Variants in NPTN observed in about 807,000 individuals in gnomAD.
NPTN encodes the protein neuroplastin.
NPTN carries 5 observed loss-of-function variants against 42.7 expected under a neutral mutation model. The ratio of observed to expected loss-of-function variants is 0.12; its 90% CI spans 0.06 to 0.25. NPTN has a LOEUF of 0.25. NPTN is among the 10% of genes least tolerant of loss of function. The pLI is 1.00. For missense variants in NPTN, 307 were observed against 525.4 expected, an observed-to-expected ratio of 0.58 and a Z score of 4.06; for synonymous variants, 180 against 201.9, an observed-to-expected ratio of 0.89 and a Z score of 0.92.
intron 1 of NPTN, among the ~76,000 whole-genome samples, chr15:73,613,979 C>A (rs1897731475): frequency 6.6e-6 from 1 of 152,076 alleles, no homozygotes; most frequent in Non-Finnish European, 1.5e-5. Flanking sequence ...AGCCACCGTG[C>A]CTGGCCTGGA....
chr15:73,592,771 C>A (rs1436031573), intron 2 of NPTN, among the ~76,000 whole-genome samples: 1 of 152,194 alleles, frequency 6.6e-6, no homozygotes, highest in Non-Finnish European at 1.5e-5. Context: ...TCCAGCCATA[C>A]CTATTCCCAA....
rs747665771 is a variant in NPTN at position 73,573,781 on chromosome 15, T to A, written c.721A>T (p.Thr241Ser). The A allele has an allele frequency of 1.9e-6, 3 of 1,604,110 alleles. 1 individual carries two copies. In the South Asian group the frequency reaches 3.4e-5, roughly 18 times the overall value. ...TIEVKAAPDI[T>S]GHKRSENKNE... ...TTGTTCTCACTCCGTTTATGGCCAG[T>A]GATGTCAGGAGCGGCTGTGAGAAAG... Residue 241 changes from threonine to serine, a missense_variant, in exon 5 of 9, where the codon ACT becomes TCT. Physicochemically the swap from Thr to Ser is moderately conservative, Grantham distance 58. Around this residue, in one of 2 missense-constraint regions of NPTN, gnomAD observed 264 missense variants for 491.1 expected, o/e 0.54. Transcript: ENST00000345330.
intron 4 of NPTN, among the ~76,000 whole-genome samples, chr15:73,585,404 AACAT>A (rs764808948): frequency 5.6e-4 from 85 of 152,322 alleles, no homozygotes; most frequent in Non-Finnish European, 1.2e-3. Flanking sequence ...ATGTTTTGGG[AACAT>A]ACACACATGT....
chr15:73,575,760 T>C (rs1313287157), intron 4 of NPTN, among the ~76,000 whole-genome samples: 1 of 152,196 alleles, frequency 6.6e-6, no homozygotes, highest in Non-Finnish European at 1.5e-5. Flanking sequence ...CAGAATGTGC[T>C]TCCCAGGCAC....
In NPTN at chr15:73,633,201, C is replaced by T; in HGVS notation, c.15G>A (p.Ser5=). The T allele has an allele frequency of 3.9e-6, 6 of 1,528,208 alleles. No individual in the cohort carries two copies. The highest frequency in any genetic ancestry group is 1.7e-4 in the Middle Eastern group (1 of 5,772). 94.7% of individuals were successfully genotyped at this position (1,528,208 alleles called of 1,614,324 possible). A position where few individuals can be genotyped will look rare whatever the true frequency, so the allele number is the denominator to read the frequency against. Residue 5 remains serine (S), a synonymous_variant, in exon 1 of 9, where the codon TCG becomes TCA. Coordinates refer to ENST00000345330, the MANE Select transcript of NPTN (RefSeq NM_012428.4). ...GCGAGAGGGCCAGGGCGCTGGGCAG[C>T]GACGAACCCGACATCCTCCCTAGCA... is the stretch of plus-strand genomic sequence containing the variant. The part of the protein sequence containing the change: MSGS[S]LPSALALSLL...
chr15:73,589,171 G>C (rs1318475106), intron 3 of NPTN, among the ~76,000 whole-genome samples: 1 of 151,778 alleles, frequency 6.6e-6, no homozygotes, highest in Non-Finnish European at 1.5e-5. Context: ...ATCTCTACAA[G>C]AAATAAAAAA....
rs1437574812 is a variant in NPTN, at chr15:73,573,701, T to C, written c.801A>G (p.Pro267=). ...MYCKSVGYPH[P]DWIWRKKENG... ...TCTCCTTCTTGCGCCATATCCAGTCTGGGTGGGGGTAGCCAACTGACTTGC... is the reference window on the plus strand; with the variant it reads ...TCTCCTTCTTGCGCCATATCCAGTCCGGGTGGGGGTAGCCAACTGACTTGC... Residue 267 remains proline (P), a synonymous_variant, in exon 5 of 9, where the codon CCA becomes CCG. Coordinates refer to ENST00000345330, the MANE Select transcript of NPTN (RefSeq NM_012428.4). 1.3e-6 allele frequency: 2 copies of C among 1,593,028 alleles called. No individual in the cohort carries two copies. The highest frequency in any genetic ancestry group is 2.3e-5 in the East Asian group (1 of 42,976).
intron 4 of NPTN, among the ~76,000 whole-genome samples, chr15:73,584,473 A>C (rs1395350828): frequency 1.3e-5 from 2 of 152,084 alleles, no homozygotes; most frequent in African/African-American, 2.4e-5. Flanking sequence ...AGGGGTAGAA[A>C]ATTTCAACAT....
Position 73,573,699 on chromosome 15 carries a change from T to C in NPTN, c.803A>G (p.Asp268Gly), listed in dbSNP as rs770727943. 1.3e-6 allele frequency: 2 copies of C among 1,592,922 alleles called. No individual in the cohort carries two copies. Among genetic ancestry groups the C allele is most frequent in the Non-Finnish European group, 1.7e-6 (2 of 1,171,306 alleles). ...GTTCTCCTTCTTGCGCCATATCCAG[T>C]CTGGGTGGGGGTAGCCAACTGACTT... ...YCKSVGYPHP[D>G]WIWRKKENGM... The change falls in exon 5 of 9, where the codon GAC becomes GGC. Residue 268 changes from aspartate to glycine, a missense_variant. Coordinates refer to ENST00000345330, the MANE Select transcript of NPTN (RefSeq NM_012428.4).
At chr15:73,600,558 T>C (rs775575972) in intron 1 of NPTN, among the ~76,000 whole-genome samples, 1 of 152,060 alleles carries the variant, frequency 6.6e-6, no homozygotes, top group Non-Finnish European at 1.5e-5. Flanking sequence ...TAACAAAGAG[T>C]CTGGCCTGGA....
chr15:73,581,068 C>T (rs982255049), intron 4 of NPTN, among the ~76,000 whole-genome samples: 1 of 152,172 alleles, frequency 6.6e-6, no homozygotes, highest in East Asian at 1.9e-4. Flanking sequence ...AAGGCTAAGG[C>T]TTCGACTCTG....
At position 73,569,537 on chromosome 15, in the gene NPTN, CTG is replaced by C; in HGVS notation, c.1114+611_1114+612del. 2 of 985,428 alleles carry C rather than the reference CTG, an allele frequency of 2.0e-6. No individual in the cohort carries two copies. The highest frequency in any genetic ancestry group is 9.4e-5 in the South Asian group (2 of 21,292). 61.0% of individuals were successfully genotyped at this position (985,428 alleles called of 1,614,324 possible). A position where few individuals can be genotyped will look rare whatever the true frequency, so the allele number is the denominator to read the frequency against. On this transcript the variant is annotated intron_variant, in intron 6 of 8. Transcript: ENST00000345330. This position sits in a 1 kb window ranked among gnomAD's most constrained non-coding sequence, Gnocchi z 4.1. ...GTGGATACATCAGACTCTCCTTTGT[CTG>C]TGAGACACAGATGGAAAGCCACCCA... is the stretch of plus-strand genomic sequence containing the variant.
intron 1 of NPTN, among the ~76,000 whole-genome samples, chr15:73,619,490 T>G (rs1168800363): frequency 6.6e-6 from 1 of 152,204 alleles, no homozygotes; most frequent in Non-Finnish European, 1.5e-5. Flanking sequence ...ATTTTGATGG[T>G]GCAATACATT....
intron 1 of NPTN, among the ~76,000 whole-genome samples, chr15:73,620,378 C>A (rs1898076208): frequency 6.6e-6 from 1 of 152,142 alleles, no homozygotes; most frequent in South Asian, 2.1e-4. Context: ...CTTACAAGTA[C>A]AGGAACAAAA....
rs74026223 is a variant in NPTN at position 73,606,667 on chromosome 15, A to C, written c.92-9298T>G. Among the ~76,000 whole-genome samples the C allele has an allele frequency of 1.2e-3, 176 of 152,342 alleles. 1 individual carries two copies. The highest frequency in any genetic ancestry group is 4.1e-3 in the African/African-American group (172 of 41,580). ...CCAAAATGGAGCTTTGAGGCCAAAAACAATTTTAATTAATTAAAAGAAAAA... is the reference window on the plus strand; with the variant it reads ...CCAAAATGGAGCTTTGAGGCCAAAACCAATTTTAATTAATTAAAAGAAAAA... On this transcript the variant is annotated intron_variant, in intron 1 of 8. Coordinates refer to ENST00000345330, the MANE Select transcript of NPTN (RefSeq NM_012428.4).
chr15:73,561,717 A>G (rs1894678685), intron 8 of NPTN, among the ~76,000 whole-genome samples, 179 bp downstream of exon 8: 1 of 152,208 alleles, frequency 6.6e-6, no homozygotes, highest in South Asian at 2.1e-4. Flanking sequence ...ACGCAGCTGA[A>G]AAATGTTCCT....
chr15:73,612,611 A>G (rs545334392), intron 1 of NPTN, among the ~76,000 whole-genome samples: 1 of 152,048 alleles, frequency 6.6e-6, no homozygotes, highest in Non-Finnish European at 1.5e-5. Flanking sequence ...ACTAAAAAAA[A>G]TACAAAAAAT....
intron 1 of NPTN, among the ~76,000 whole-genome samples, chr15:73,606,332 C>A (rs1461457236): frequency 6.6e-6 from 1 of 152,170 alleles, no homozygotes; most frequent in Non-Finnish European, 1.5e-5. Flanking sequence ...GCAGCAGCCA[C>A]AAACTATTGT....
Position 73,569,853 on chromosome 15 carries a change from C to T in NPTN, c.1114+297G>A. 1.0e-6 allele frequency: 1 copy of T among 975,408 alleles called. No individual in the cohort carries two copies. The highest frequency in any genetic ancestry group is 1.2e-6 in the Non-Finnish European group (1 of 820,862). The allele number at this position is 975,408 out of a possible 1,614,324, so 60.4% of individuals were successfully genotyped here. A position where few individuals can be genotyped will look rare whatever the true frequency, so the allele number is the denominator to read the frequency against. On this transcript the variant is annotated intron_variant, in intron 6 of 8. Transcript: ENST00000345330. The surrounding 1 kb of genome is among the most constrained non-coding windows in gnomAD (Gnocchi z 4.1). ...CTGAACAAAGAGACTGACAGCTGCC[C>T]ATTCACCACATGGGGCCTGAAAGGC...
Sources: allele counts gnomAD v4.1 joint callset (sites outside exome capture counted in the v4.1 genomes callset), GRCh38; gene constraint gnomAD v4.1.1; regional missense constraint gnomAD v4.1.1; non-coding constraint Gnocchi (gnomAD v3.1); transcripts MANE v1.5; gene names NCBI Gene and HGNC (gene_info 2026-07-23, HGNC 2026-07-21).